Variants in ARHGEF3 observed in about 807,000 individuals in gnomAD.
ARHGEF3 encodes 59.8 kDA protein.
Under a neutral mutation model 63.2 loss-of-function variants are expected in ARHGEF3, and 28 were observed. The observed-to-expected ratio is 0.44, with a 90% confidence interval of 0.33 to 0.61. ARHGEF3 has a LOEUF of 0.61. ARHGEF3 is among the 20% of genes least tolerant of loss of function. The pLI, the probability that ARHGEF3 is intolerant of heterozygous loss-of-function variation, is 0.03. For synonymous variants in ARHGEF3, 266 were observed against 254.2 expected, an observed-to-expected ratio of 1.05 and a Z score of -0.44; for missense variants, 533 against 659.3, an observed-to-expected ratio of 0.81 and a Z score of 2.10.
At chr3:57,004,967 A>T (rs1279085940) in intron 2 of ARHGEF3, among the ~76,000 whole-genome samples, 1 of 150,228 alleles carries the variant, frequency 6.7e-6, no homozygotes, top group Non-Finnish European at 1.5e-5. Flanking sequence ...TTTAAAAATA[A>T]ATAAATATAT....
intron 2 of ARHGEF3, among the ~76,000 whole-genome samples, chr3:57,021,816 T>C (rs1391158942): frequency 6.6e-6 from 1 of 151,364 alleles, no homozygotes; most frequent in Non-Finnish European, 1.5e-5. Flanking sequence ...AAAAAAGTCA[T>C]ACTGACTAGA....
At chr3:57,027,010 A>G (rs1264970792) in intron 2 of ARHGEF3, among the ~76,000 whole-genome samples, 1 of 152,176 alleles carries the variant, frequency 6.6e-6, no homozygotes, top group African/African-American at 2.4e-5. Flanking sequence ...TATGTTAGAA[A>G]TTGTCACAGA....
intron 2 of ARHGEF3, among the ~76,000 whole-genome samples, chr3:57,029,892 T>G (rs1255428609): frequency 5.9e-5 from 9 of 152,050 alleles, no homozygotes; most frequent in African/African-American, 2.2e-4. Context: ...GCTAAACCTC[T>G]GGAGGGTGGG....
chr3:57,042,074 C>T (rs1704209414), intron 1 of ARHGEF3, among the ~76,000 whole-genome samples: 1 of 152,166 alleles, frequency 6.6e-6, no homozygotes. Context: ...GCACCTGGGC[C>T]AGCTTAGCAT....
At chr3:56,790,316 A>ATC (rs886549314) in intron 1 of ARHGEF3, among the ~76,000 whole-genome samples, 1 of 152,226 alleles carries the variant, frequency 6.6e-6, no homozygotes, top group African/African-American at 2.4e-5. Flanking sequence ...AAGCTCTCAG[A>ATC]TAAGTCACCA....
intron 3 of ARHGEF3, among the ~76,000 whole-genome samples, chr3:56,956,481 C>G (rs1295273470): frequency 1.3e-5 from 2 of 152,176 alleles, no homozygotes; most frequent in African/African-American, 4.8e-5. Flanking sequence ...AAGTATGTAT[C>G]TAACAGGTTC....
chr3:56,968,055 A>ATAT (rs1298101007), intron 2 of ARHGEF3, among the ~76,000 whole-genome samples: 2 of 33,270 alleles, frequency 6.0e-5, no homozygotes, highest in African/African-American at 1.9e-4. Context: ...TATATATAAT[A>ATAT]TATATAATAT....
intron 1 of ARHGEF3, among the ~76,000 whole-genome samples, chr3:57,064,208 G>A (rs1343714180): frequency 6.6e-6 from 1 of 152,224 alleles, no homozygotes; most frequent in East Asian, 1.9e-4. Context: ...GGTAGAGGTT[G>A]CAGTGAGCTG....
At chr3:57,035,122 A>T (rs1382333306) in exon 2 of ARHGEF3, 2 of 1,548,774 alleles carry the variant, frequency 1.3e-6, no homozygotes, top group Non-Finnish European at 1.7e-6. Context: ...CTACAGCTGC[A>T]TTGATTCATT....
At chr3:56,916,548 C>T (rs2041995506) in intron 3 of ARHGEF3, 1 of 1,268,196 alleles carries the variant, frequency 7.9e-7, no homozygotes, top group Non-Finnish European at 1.0e-6. Flanking sequence ...CCCCACCTCT[C>T]CTGCTACTGC....
chr3:57,018,488 G>A (rs776171666), intron 2 of ARHGEF3, among the ~76,000 whole-genome samples: 2 of 152,164 alleles, frequency 1.3e-5, no homozygotes, highest in Admixed American at 6.5e-5. Flanking sequence ...AGAGCAAAGA[G>A]AGCTTAAGTA....
intron 4 of ARHGEF3, among the ~76,000 whole-genome samples, chr3:56,863,060 AAAG>A (rs1442635776): frequency 3.9e-5 from 6 of 152,218 alleles, no homozygotes; most frequent in Non-Finnish European, 7.3e-5. Flanking sequence ...AAGGAGTTAG[AAAG>A]AAGGACTTGA....
At chr3:56,864,259 C>T (rs1319840370) in intron 4 of ARHGEF3, among the ~76,000 whole-genome samples, 2 of 152,238 alleles carry the variant, frequency 1.3e-5, no homozygotes, top group African/African-American at 4.8e-5. Context: ...TTCCTGTCAA[C>T]TACTCCAGTC....
chr3:56,760,848 G>C (rs1170987197), intron 2 of ARHGEF3, among the ~76,000 whole-genome samples: 2 of 152,124 alleles, frequency 1.3e-5, no homozygotes, highest in Non-Finnish European at 2.9e-5. Context: ...TAGGAATAAT[G>C]GCTGATATCT....
intron 2 of ARHGEF3, among the ~76,000 whole-genome samples, chr3:56,766,348 TG>T (rs2107811191): frequency 6.6e-6 from 1 of 152,302 alleles, no homozygotes; most frequent in East Asian, 1.9e-4. Context: ...TGAGAGGCAG[TG>T]GTTGCTAGAA....
chr3:56,805,217 A>C (rs540095001), upstream of ARHGEF3, among the ~76,000 whole-genome samples: 68 of 152,248 alleles, frequency 4.5e-4, no homozygotes, highest in South Asian at 0.013. Flanking sequence ...GTGTAACAGT[A>C]AACAAACCCT....
chr3:56,965,008 T>C (rs1700430548), intron 2 of ARHGEF3, among the ~76,000 whole-genome samples: 1 of 152,222 alleles, frequency 6.6e-6, no homozygotes, highest in Non-Finnish European at 1.5e-5. Context: ...TTCTCAGTGC[T>C]TTGGGTGGCC....
chr3:56,888,742 A>C (rs1470653053), intron 3 of ARHGEF3, among the ~76,000 whole-genome samples: 3 of 152,114 alleles, frequency 2.0e-5, no homozygotes, highest in Admixed American at 1.3e-4. Flanking sequence ...GTCTCTACTA[A>C]AAATGTAAAA....
chr3:56,886,567 C>A (rs995081604), intron 3 of ARHGEF3, among the ~76,000 whole-genome samples: 5 of 152,198 alleles, frequency 3.3e-5, no homozygotes, highest in African/African-American at 1.2e-4. Flanking sequence ...GAAACATAAA[C>A]AAATGAGCAT....
Sources: gnomAD v4.1 joint callset for allele counts (sites outside exome capture counted in the v4.1 genomes callset) on GRCh38, gnomAD v4.1.1 for gene constraint, MANE v1.5 for transcripts, NCBI Gene and HGNC (gene_info 2026-07-23, HGNC 2026-07-21) for gene names.